SGCZ: variants seen among roughly 807,000 people sequenced by gnomAD.
SGCZ encodes the protein zeta-sarcoglycan.
Under a neutral mutation model 41.3 loss-of-function variants are expected in SGCZ, and 40 were observed. The ratio of observed to expected loss-of-function variants is 0.97; its 90% CI spans 0.75 to 1.26. SGCZ has a LOEUF of 1.26. SGCZ is among the 50% of genes most tolerant of loss of function. The probability of loss-of-function intolerance (pLI) is 0.00; values close to 1 mark genes in which losing one functional copy is unlikely to be tolerated. For missense variants in SGCZ, 552 were observed against 369.8 expected, an observed-to-expected ratio of 1.49 and a Z score of -4.04; for synonymous variants, 206 against 137.5, an observed-to-expected ratio of 1.50 and a Z score of -3.49.
intron 2 of SGCZ, among the ~76,000 whole-genome samples, chr8:14,405,170 A>T (rs1172041897): frequency 6.6e-6 from 1 of 151,746 alleles, no homozygotes; most frequent in Non-Finnish European, 1.5e-5. Flanking sequence ...TTCTAACATT[A>T]CTCCTCTGTA....
intron 3 of SGCZ, among the ~76,000 whole-genome samples, chr8:14,274,169 G>T (rs1800153834): frequency 6.6e-6 from 1 of 151,918 alleles, no homozygotes. Flanking sequence ...TGCTATTGTT[G>T]TTTTTGCTTT....
At position 15,108,412 on chromosome 8, in the gene SGCZ, G is replaced by T. The variant is rs966928503; in HGVS notation, c.39+129173C>A. 3.3e-5 allele frequency among the ~76,000 whole-genome samples: 5 copies of T among 152,242 alleles called. No individual in the cohort carries two copies. In the East Asian group the frequency reaches 9.7e-4, roughly 29 times the overall value. On this transcript the variant is annotated intron_variant, in intron 1 of 7. Coordinates refer to ENST00000382080, the MANE Select transcript of SGCZ (RefSeq NM_139167.4). ...AGGGAATAAATATCTTTACACACCT[G>T]TAATCCATTTGTTGCATAGGAATTG... is the stretch of plus-strand genomic sequence containing the variant.
intron 1 of SGCZ, among the ~76,000 whole-genome samples, chr8:14,679,432 C>T (rs1585176733): frequency 1.3e-5 from 2 of 151,614 alleles, no homozygotes; most frequent in African/African-American, 4.8e-5. Flanking sequence ...TGATCCTGAC[C>T]CCGCATAGGC....
At chr8:14,812,356 T>G (rs1801762638) in intron 1 of SGCZ, among the ~76,000 whole-genome samples, 1 of 152,098 alleles carries the variant, frequency 6.6e-6, no homozygotes, top group Non-Finnish European at 1.5e-5. Flanking sequence ...ATAAATTTAA[T>G]ATTCAAATTG....
chr8:15,038,585 A>G (rs1421558635), intron 1 of SGCZ, among the ~76,000 whole-genome samples: 1 of 152,068 alleles, frequency 6.6e-6, no homozygotes, highest in East Asian at 1.9e-4. Flanking sequence ...ACGCACAGGC[A>G]AAAAAGCAAA....
At chr8:14,223,515 A>G (rs1806273120) in intron 4 of SGCZ, among the ~76,000 whole-genome samples, 1 of 150,368 alleles carries the variant, frequency 6.7e-6, no homozygotes, top group South Asian at 2.1e-4. Flanking sequence ...ATATTCATCT[A>G]AAACAGTCAC....
chr8:14,209,034 C>T (rs968056509), intron 4 of SGCZ, among the ~76,000 whole-genome samples: 1 of 152,158 alleles, frequency 6.6e-6, no homozygotes, highest in Non-Finnish European at 1.5e-5. Context: ...AAAAGGTTAC[C>T]TGGGACTTGG....
chr8:14,427,688 G>C (rs941357156), intron 2 of SGCZ, among the ~76,000 whole-genome samples: 2 of 152,066 alleles, frequency 1.3e-5, no homozygotes, highest in African/African-American at 4.8e-5. Flanking sequence ...AAAGCTATCT[G>C]CTTGGCAATC....
chr8:14,995,303 T>C lies in SGCZ; in HGVS notation c.39+242282A>G, dbSNP rs752143654. Reference sequence around the variant, plus strand: ...GAACTAATAAATGAATGAAGAAGTGTGGGGATGATGACCTGATCAAAGATG... The same window carrying C: ...GAACTAATAAATGAATGAAGAAGTGCGGGGATGATGACCTGATCAAAGATG... On this transcript the variant is annotated intron_variant, in intron 1 of 7. Coordinates refer to ENST00000382080, the MANE Select transcript of SGCZ (RefSeq NM_139167.4). 9.8e-5 allele frequency among the ~76,000 whole-genome samples: 15 copies of C among 152,298 alleles called. No homozygotes were observed. In the South Asian group the frequency reaches 1.2e-3, roughly 13 times the overall value.
intron 2 of SGCZ, among the ~76,000 whole-genome samples, chr8:14,414,767 A>G (rs988738635): frequency 5.3e-5 from 8 of 151,968 alleles, no homozygotes; most frequent in Non-Finnish European, 7.4e-5. Flanking sequence ...TCTAATTAGG[A>G]CATGAAGAGA....
chr8:14,437,018 C>G (rs966508312), intron 2 of SGCZ, among the ~76,000 whole-genome samples: 1 of 152,060 alleles, frequency 6.6e-6, no homozygotes, highest in East Asian at 1.9e-4. Context: ...CATCCTTTAC[C>G]AGGAGCGGGT....
At chr8:14,770,785 G>A (rs111748942) in intron 1 of SGCZ, among the ~76,000 whole-genome samples, 10 of 152,078 alleles carry the variant, frequency 6.6e-5, no homozygotes, top group African/African-American at 2.4e-4. Context: ...ATAAACTAAT[G>A]ATATTAATGA....
At chr8:14,539,276 C>G (rs778193047) in intron 2 of SGCZ, among the ~76,000 whole-genome samples, 6 of 151,968 alleles carry the variant, frequency 3.9e-5, no homozygotes, top group Non-Finnish European at 7.4e-5. Flanking sequence ...TGAACCAATT[C>G]TGTAACATCT....
intron 1 of SGCZ, among the ~76,000 whole-genome samples, chr8:15,051,613 T>G (rs76927988): frequency 0.014 from 2,086 of 152,286 alleles, 43 homozygotes; most frequent in African/African-American, 0.047. Flanking sequence ...CTTGTTCCAA[T>G]TCTAGGAATA....
chr8:14,537,871 G>A (rs577000149), intron 2 of SGCZ, among the ~76,000 whole-genome samples: 13 of 151,980 alleles, frequency 8.6e-5, no homozygotes, highest in African/African-American at 2.9e-4. Context: ...GGAGGAAGGT[G>A]CATGGAGAAA....
At chr8:15,187,367 C>T (rs1487498850) in intron 1 of SGCZ, among the ~76,000 whole-genome samples, 2 of 152,042 alleles carry the variant, frequency 1.3e-5, no homozygotes, top group Non-Finnish European at 2.9e-5. Context: ...AATTAGAATA[C>T]ATGTGCATGT....
At chr8:14,367,115 A>T (rs917624303) in intron 2 of SGCZ, among the ~76,000 whole-genome samples, 1 of 152,052 alleles carries the variant, frequency 6.6e-6, no homozygotes, top group African/African-American at 2.4e-5. Flanking sequence ...AGATGCCCCA[A>T]ATCATCTTTC....
intron 2 of SGCZ, among the ~76,000 whole-genome samples, chr8:14,541,917 C>G (rs893934364): frequency 2.0e-5 from 3 of 152,114 alleles, no homozygotes; most frequent in African/African-American, 7.2e-5. Flanking sequence ...TTGTTGGCCA[C>G]AAATATGTCT....
At chr8:14,747,261 C>T (rs1585227687) in intron 1 of SGCZ, among the ~76,000 whole-genome samples, 1 of 152,300 alleles carries the variant, frequency 6.6e-6, no homozygotes, top group South Asian at 2.1e-4. Flanking sequence ...ATACCCATCT[C>T]GTCTCCTGTC....
Sources: gnomAD v4.1 joint callset for allele counts (sites outside exome capture counted in the v4.1 genomes callset) on GRCh38, gnomAD v4.1.1 for gene constraint, MANE v1.5 for transcripts, NCBI Gene and HGNC (gene_info 2026-07-23, HGNC 2026-07-21) for gene names.